The following SYT14 variants were observed in gnomAD, a reference collection of about 807,000 sequenced individuals.
SYT14 encodes the protein synaptotagmin-14.
In SYT14, 32 loss-of-function variants were observed where a neutral mutation model predicts 74.2. The ratio of observed to expected loss-of-function variants is 0.43; its 90% CI spans 0.33 to 0.58. The LOEUF (loss-of-function observed/expected upper bound fraction) is 0.58. SYT14 is among the 20% of genes least tolerant of loss of function. SYT14 has a pLI of 0.05. For synonymous variants in SYT14, 298 were observed against 337.7 expected, an observed-to-expected ratio of 0.88 and a Z score of 1.29; for missense variants, 791 against 981.8, an observed-to-expected ratio of 0.81 and a Z score of 2.60.
Position 210,100,527 on chromosome 1 carries a change from A to G in SYT14, c.2034+66A>G, listed in dbSNP as rs2082044869. On this transcript the variant is annotated intron_variant, in intron 7 of 9. Transcript: ENST00000637265. ...ATGGTTTATAGTATGCACAATTTTAAAAATCTTTAATCAAGCCAACAAGTT... is the reference window on the plus strand; with the variant it reads ...ATGGTTTATAGTATGCACAATTTTAGAAATCTTTAATCAAGCCAACAAGTT... The G allele has an allele frequency of 2.0e-6, 3 of 1,511,504 alleles. No homozygotes were observed. The African/African-American group carries it at 4.1e-5, about 21-fold the overall frequency. 93.6% of individuals were successfully genotyped at this position (1,511,504 alleles called of 1,614,324 possible).
chr1:210,150,627 C>T lies in SYT14; in HGVS notation c.2035-5094C>T, dbSNP rs185793585. Among the ~76,000 whole-genome samples, 349 of 152,188 alleles carry T rather than the reference C, an allele frequency of 2.3e-3. 4 individuals carry two copies. Among genetic ancestry groups the T allele is most frequent in the Middle Eastern group, 3.4e-3 (1 of 294 alleles). ...TTTTAACTTCAGCACCCTCTGTGAT[C>T]GCCCCATTTTCAGAAAAGTATAATG... On this transcript the variant is annotated intron_variant, in intron 7 of 9. Coordinates refer to ENST00000637265, the Ensembl canonical transcript of SYT14.
chr1:210,052,390 C>T (rs2081013626), intron 5 of SYT14, among the ~76,000 whole-genome samples: 2 of 151,900 alleles, frequency 1.3e-5, no homozygotes, highest in African/African-American at 2.4e-5. Flanking sequence ...AGACCTGGCG[C>T]AGTGGTTCAC....
intron 5 of SYT14, among the ~76,000 whole-genome samples, chr1:210,089,826 A>AT (rs2081826296): frequency 6.6e-6 from 1 of 152,252 alleles, no homozygotes; most frequent in Admixed American, 6.5e-5. Flanking sequence ...AAATCAAGCA[A>AT]TGAACGCATA....
At chr1:210,050,051 T>C (rs1346083077) in intron 5 of SYT14, among the ~76,000 whole-genome samples, 1 of 152,150 alleles carries the variant, frequency 6.6e-6, no homozygotes, top group African/African-American at 2.4e-5. Flanking sequence ...CTGGTTTGAA[T>C]TTCACCTCAG....
chr1:209,996,701 A>G (rs1231119186), intron 2 of SYT14, among the ~76,000 whole-genome samples: 2 of 152,184 alleles, frequency 1.3e-5, no homozygotes, highest in Non-Finnish European at 1.5e-5. Flanking sequence ...ATGAACATAG[A>G]CACGAAAATC....
intron 2 of SYT14, among the ~76,000 whole-genome samples, chr1:209,972,424 C>A (rs2079272815): frequency 6.6e-6 from 1 of 151,724 alleles, no homozygotes; most frequent in African/African-American, 2.4e-5. Context: ...TCTTGTTTTT[C>A]TCGTTCTTCT....
intron 5 of SYT14, among the ~76,000 whole-genome samples, chr1:210,059,451 T>TAG (rs1553272603): frequency 0.057 from 3,961 of 69,828 alleles, 179 homozygotes; most frequent in Middle Eastern, 0.081. Flanking sequence ...TATATATATA[T>TAG]AGAGAGAGAG....
rs924001174 is a variant in SYT14 at position 210,034,435 on chromosome 1, A to G, written c.1312+13181A>G. On this transcript the variant is annotated intron_variant, in intron 5 of 9. Transcript: ENST00000637265. ...ATCAGAAGTTAAATTTTATATAAATATATATACATATATTTTTAAATAGAT... is the reference window on the plus strand; with the variant it reads ...ATCAGAAGTTAAATTTTATATAAATGTATATACATATATTTTTAAATAGAT... Among the ~76,000 whole-genome samples the G allele has an allele frequency of 5.9e-5, 9 of 151,752 alleles. No homozygotes were observed. In the East Asian group the frequency reaches 9.7e-4, roughly 16 times the overall value.
rs554880304 is a variant in SYT14, at chr1:210,111,332, G to A, written c.2034+10871G>A. Among the ~76,000 whole-genome samples, 28 of 152,134 alleles carry A rather than the reference G, an allele frequency of 1.8e-4. 1 individual carries two copies. The South Asian group carries it at 5.8e-3, about 32-fold the overall frequency. On this transcript the variant is annotated intron_variant, in intron 7 of 9. Coordinates refer to ENST00000637265, the Ensembl canonical transcript of SYT14. ...GGGGGAGTTTCTGAGCCAGGAGAAGGAATTTCACAAGGTAATGTCATCAGT... is the reference window on the plus strand; with the variant it reads ...GGGGGAGTTTCTGAGCCAGGAGAAGAAATTTCACAAGGTAATGTCATCAGT...
exon 4 of SYT14, chr1:210,016,729 G>A (rs2080191434): frequency 8.1e-7 from 1 of 1,231,802 alleles, no homozygotes; most frequent in East Asian, 3.2e-5. Context: ...AAGAGAATAT[G>A]GGGCATTTCA....
intron 5 of SYT14, among the ~76,000 whole-genome samples, chr1:210,067,182 C>G (rs1416554029): frequency 6.6e-6 from 1 of 152,042 alleles, no homozygotes; most frequent in Non-Finnish European, 1.5e-5. Context: ...CAGTACCACA[C>G]TCTCTTGATT....
At chr1:209,938,859 G>T (rs2102631678) in intron 1 of SYT14, among the ~76,000 whole-genome samples, 1 of 152,094 alleles carries the variant, frequency 6.6e-6, no homozygotes, top group African/African-American at 2.4e-5. Context: ...TTTGGGGTTA[G>T]GTTAATTTCC....
chr1:210,159,931 C>G (rs1221299641), intron 9 of SYT14, among the ~76,000 whole-genome samples: 3 of 152,124 alleles, frequency 2.0e-5, no homozygotes, highest in African/African-American at 7.2e-5. Context: ...ACTTCGTACA[C>G]TAAACATCAC....
At chr1:210,059,140 A>G (rs1287269217) in intron 5 of SYT14, among the ~76,000 whole-genome samples, 1 of 151,760 alleles carries the variant, frequency 6.6e-6, no homozygotes, top group Non-Finnish European at 1.5e-5. Context: ...AAATTCTACT[A>G]GCTTTAAATT....
chr1:210,070,154 C>T (rs770473140), intron 5 of SYT14, among the ~76,000 whole-genome samples: 2 of 152,044 alleles, frequency 1.3e-5, no homozygotes, highest in Non-Finnish European at 2.9e-5. Flanking sequence ...TTCTCTCGTT[C>T]CGCTCTCCAT....
chr1:210,090,370 A>G (rs1452633463), intron 5 of SYT14, among the ~76,000 whole-genome samples: 2 of 71,900 alleles, frequency 2.8e-5, no homozygotes, highest in South Asian at 3.6e-4. Context: ...CAGGCACTTG[A>G]AAAAAAAAAG....
chr1:210,031,031 A>G lies in SYT14; in HGVS notation c.1312+9777A>G, dbSNP rs142584727. Among the ~76,000 whole-genome samples the G allele has an allele frequency of 9.6e-4, 145 of 150,570 alleles. 1 individual carries two copies. Among genetic ancestry groups the G allele is most frequent in the Middle Eastern group, 3.5e-3 (1 of 282 alleles). On this transcript the variant is annotated intron_variant, in intron 5 of 9. Transcript: ENST00000637265. The stretch of plus-strand genomic sequence containing the variant: ...AACCTTGACCTCCTGGGCTCAAGCA[A>G]TCTTCCACCTTGGTCTCCTGAGTAA...
At chr1:210,016,897 T>C (rs227221) in exon 4 of SYT14, 564,776 of 1,231,390 alleles carry the variant, frequency 0.46, 135,335 homozygotes, top group African/African-American at 0.82. Context: ...CACAGAAATC[T>C]ATTATAAAAG....
chr1:209,941,850 A>G (rs1275878175), intron 1 of SYT14, among the ~76,000 whole-genome samples: 1 of 152,216 alleles, frequency 6.6e-6, no homozygotes, highest in Non-Finnish European at 1.5e-5. Context: ...AAATTTAAGA[A>G]TGATCAAGTT....
Sources: gnomAD v4.1 joint callset for allele counts (sites outside exome capture counted in the v4.1 genomes callset) on GRCh38, gnomAD v4.1.1 for gene constraint, MANE v1.5 for transcripts, NCBI Gene and HGNC (gene_info 2026-07-23, HGNC 2026-07-21) for gene names.